Variants in COL19A1 observed in about 807,000 individuals in gnomAD.
COL19A1 encodes collagen type XIX alpha 1 chain, also known as collagen alpha-1(XIX) chain.
A neutral mutation model predicts 190.2 loss-of-function variants in COL19A1; 159 were observed. The ratio of observed to expected loss-of-function variants is 0.84; its 90% confidence interval spans 0.73 to 0.95. The LOEUF is 0.95. Ranked by LOEUF, COL19A1 falls within the 40% of genes least tolerant of loss-of-function variation. COL19A1 has a pLI of 0.00. For synonymous variants in COL19A1, 509 were observed against 458.9 expected (o/e 1.11, Z -1.39); for missense variants, 1,418 against 1,431.9 (o/e 0.99, Z 0.16).
chr6:70,122,684 A>G (rs925239241), intron 17 of COL19A1, among the ~76,000 whole-genome samples: 1 of 152,116 alleles, frequency 6.6e-6, no homozygotes, highest in Non-Finnish European at 1.5e-5. Context: ...AGAATTGGAG[A>G]CACTTCCCTT....
chr6:69,972,227 C>T (rs755632461), intron 11 of COL19A1, among the ~76,000 whole-genome samples: 70 of 152,200 alleles, frequency 4.6e-4, no homozygotes, highest in African/African-American at 1.6e-3. Flanking sequence ...CCTTGACTCT[C>T]CAATCAAAAT....
intron 4 of COL19A1, among the ~76,000 whole-genome samples, chr6:69,905,030 C>T (rs1342673622): frequency 6.6e-6 from 1 of 152,152 alleles, no homozygotes; most frequent in Non-Finnish European, 1.5e-5. Context: ...CTGCCTCCCA[C>T]ATTTCCATTG....
chr6:70,082,396 T>G (rs1782306184), intron 15 of COL19A1, among the ~76,000 whole-genome samples: 2 of 152,190 alleles, frequency 1.3e-5, no homozygotes, highest in South Asian at 4.1e-4. Context: ...AACAAAATAA[T>G]GAAGCACTTT....
intron 40 of COL19A1, among the ~76,000 whole-genome samples, chr6:70,169,452 A>T (rs1209892853): frequency 6.6e-6 from 1 of 152,242 alleles, no homozygotes; most frequent in African/African-American, 2.4e-5. Flanking sequence ...CATGTGAAAA[A>T]AAATTTAAAG....
intron 43 of COL19A1, 29 bp downstream of exon 43, chr6:70,180,385 T>A: frequency 6.2e-7 from 1 of 1,614,122 alleles, no homozygotes; most frequent in South Asian, 1.1e-5. Flanking sequence ...TCATGACAGT[T>A]GTACTTGTGT....
intron 15 of COL19A1, chr6:70,098,815 C>T (rs189055925): frequency 1.2e-5 from 2 of 170,224 alleles, no homozygotes; most frequent in East Asian, 3.5e-4. Context: ...TTCGGTGCAG[C>T]TTGGGGCCTT....
intron 14 of COL19A1, among the ~76,000 whole-genome samples, chr6:70,065,812 A>G (rs1324684321): frequency 6.6e-6 from 1 of 152,254 alleles, no homozygotes; most frequent in Non-Finnish European, 1.5e-5. Flanking sequence ...ATGTACAGAC[A>G]CTTCTCAAAA....
intron 23 of COL19A1, among the ~76,000 whole-genome samples, chr6:70,143,538 C>T (rs901509386): frequency 6.6e-6 from 1 of 152,086 alleles, no homozygotes; most frequent in African/African-American, 2.4e-5. Context: ...CTCTTAGGAT[C>T]TCTCCTTTTT....
At chr6:70,138,928 C>G (rs1786055773) in intron 19 of COL19A1, among the ~76,000 whole-genome samples, 1 of 152,054 alleles carries the variant, frequency 6.6e-6, no homozygotes, top group Non-Finnish European at 1.5e-5. Flanking sequence ...TGCCAACTCT[C>G]TAGGTGCTCC....
chr6:70,089,201 A>T (rs1475395609), intron 15 of COL19A1, among the ~76,000 whole-genome samples: 1 of 152,128 alleles, frequency 6.6e-6, no homozygotes, highest in African/African-American at 2.4e-5. Context: ...AAAATACTTT[A>T]TTATGTGTAA....
intron 11 of COL19A1, among the ~76,000 whole-genome samples, chr6:70,016,555 A>T (rs954077518): frequency 6.6e-6 from 1 of 151,256 alleles, no homozygotes; most frequent in African/African-American, 2.4e-5. Flanking sequence ...AAGCTGTTAA[A>T]TTTTTTTAAA....
At chr6:70,103,444 A>G (rs184413786) in intron 16 of COL19A1, among the ~76,000 whole-genome samples, 44 of 152,202 alleles carry the variant, frequency 2.9e-4, no homozygotes, top group Non-Finnish European at 4.6e-4. Flanking sequence ...AAAGCTTAAA[A>G]CTATTTGATT....
intron 4 of COL19A1, among the ~76,000 whole-genome samples, chr6:69,913,118 C>T (rs998958216): frequency 5.3e-5 from 8 of 151,960 alleles, no homozygotes; most frequent in African/African-American, 1.5e-4. Context: ...AGTATGAATA[C>T]GAGGCAATTC....
intron 18 of COL19A1, among the ~76,000 whole-genome samples, chr6:70,136,797 TTGAAGTAAAAAAATAG>T (rs1562208581): frequency 6.6e-6 from 1 of 152,098 alleles, no homozygotes; most frequent in Non-Finnish European, 1.5e-5. Flanking sequence ...ATTTATTCTT[TTGAAGTAAAAAAATAG>T]GCCAGGTAGG....
chr6:69,972,404 C>T (rs932389527), intron 11 of COL19A1, among the ~76,000 whole-genome samples: 1 of 152,196 alleles, frequency 6.6e-6, no homozygotes, highest in Non-Finnish European at 1.5e-5. Flanking sequence ...CCATGTCTGT[C>T]TGTGTACGTT....
chr6:70,056,154 A>G (rs1162342014), intron 14 of COL19A1, among the ~76,000 whole-genome samples: 2 of 152,090 alleles, frequency 1.3e-5, no homozygotes, highest in Admixed American at 6.6e-5. Context: ...TTATGTGAAC[A>G]TACCTTTATA....
intron 19 of COL19A1, 38 bp downstream of exon 19, chr6:70,137,785 TA>T: frequency 6.3e-7 from 1 of 1,595,668 alleles, no homozygotes; most frequent in Admixed American, 1.7e-5. Flanking sequence ...GAAGAATATC[TA>T]AAAAACGGGA....
chr6:69,929,791 A>G (rs1448406300), intron 6 of COL19A1, 91 bp downstream of exon 6: 6 of 1,202,894 alleles, frequency 5.0e-6, no homozygotes, highest in Admixed American at 2.5e-5. Flanking sequence ...TTACTGTGTA[A>G]TAGATTCCCT....
chr6:70,042,642 C>A (rs1223326009), intron 14 of COL19A1, among the ~76,000 whole-genome samples: 1 of 152,084 alleles, frequency 6.6e-6, no homozygotes, highest in South Asian at 2.1e-4. Context: ...TTGACTTTTC[C>A]TTTCATGAAA....
Sources: allele counts gnomAD v4.1 joint callset (sites outside exome capture counted in the v4.1 genomes callset), GRCh38; gene constraint gnomAD v4.1.1; transcripts MANE v1.5; gene names NCBI Gene and HGNC (gene_info 2026-07-23, HGNC 2026-07-21).